The following CDH23 variants were observed in gnomAD, a reference collection of about 807,000 sequenced individuals.
The protein encoded by CDH23 is cadherin-23.
CDH23 carries 189 observed loss-of-function variants against 317.1 expected under a neutral mutation model. The observed-to-expected ratio is 0.60, with a 90% CI of 0.53 to 0.67. The LOEUF (loss-of-function observed/expected upper bound fraction) is 0.67. Ranked by LOEUF, CDH23 falls within the 30% of genes least tolerant of loss-of-function variation. The pLI is 0.00. For synonymous variants in CDH23, 1,839 were observed against 1,876.8 expected (o/e 0.98, Z 0.52); for missense variants, 4,401 against 4,592.4 (o/e 0.96, Z 1.20).
chr10:71,511,074 GC>G (rs757599413), intron 5 of CDH23, 45 bp from the exon 6 acceptor site: 1 of 1,612,082 alleles, frequency 6.2e-7, no homozygotes, highest in South Asian at 1.1e-5. Flanking sequence ...GGTGGAAGAG[GC>G]CAGAGTCAGG....
Position 71,790,305 on chromosome 10 carries a change from C to T in CDH23, c.5941C>T (p.Leu1981Phe), listed in dbSNP as rs770498194. 6 of 1,613,828 alleles carry T rather than the reference C, an allele frequency of 3.7e-6. No homozygotes were observed. The highest frequency in any genetic ancestry group is 5.1e-6 in the Non-Finnish European group (6 of 1,179,860). ...NSPAGTPLTVLNGPILALDAD... is the reference protein window; with the variant it reads ...NSPAGTPLTVFNGPILALDAD... ...TGGCCCAGGCACCCCTCTCACGGTG[C>T]TCAATGGGCCCATCCTGGCCCTGGA... Residue 1981 changes from leucine to phenylalanine, a missense_variant, in exon 46 of 70, where the codon CTC becomes TTC. Physicochemically the swap from Leu to Phe is conservative, Grantham distance 22 (BLOSUM62 0). Coordinates refer to ENST00000224721, the MANE Select transcript of CDH23 (RefSeq NM_022124.6).
At position 71,609,527 on chromosome 10, in the gene CDH23, C is replaced by T. The variant is rs74961694; in HGVS notation, c.833-5977C>T. ...TGAAGACCCAGTCAGTGGCCTTTGCCAGACCTTCCTCTTCCTGAGCTCTCT... is the reference window on the plus strand; with the variant it reads ...TGAAGACCCAGTCAGTGGCCTTTGCTAGACCTTCCTCTTCCTGAGCTCTCT... On this transcript the variant is annotated intron_variant, in intron 9 of 69. Transcript: ENST00000224721. Among the ~76,000 whole-genome samples the T allele has an allele frequency of 2.3e-4, 35 of 152,302 alleles. No homozygotes were observed. The East Asian group carries it at 5.8e-3, about 25-fold the overall frequency.
chr10:71,702,102 C>G lies in CDH23; in HGVS notation c.2478C>G (p.Leu826=). The G allele has an allele frequency of 6.2e-7, 1 of 1,613,998 alleles. No individual in the cohort carries two copies. The highest frequency in any genetic ancestry group is 8.5e-7 in the Non-Finnish European group (1 of 1,179,888). ...SIQPPNKFYS[L]NSTTGKIRTT... ...AGCCACCCAACAAGTTCTACAGCCT[C>G]AACAGCACCACGGGCAAGATCCGCA... The change falls in exon 23 of 70, where the codon CTC becomes CTG. Residue 826 remains leucine (L), a synonymous_variant. Transcript: ENST00000224721.
intron 1 of CDH23, among the ~76,000 whole-genome samples, chr10:71,403,454 T>TTTCC (rs1158827093): frequency 0.03 from 1,059 of 35,174 alleles, 43 homozygotes; most frequent in Non-Finnish European, 0.036. Context: ...CCTTCCTTCC[T>TTTCC]TTCCTTCCTT....
intron 9 of CDH23, among the ~76,000 whole-genome samples, chr10:71,600,265 G>A (rs942376504): frequency 6.6e-6 from 1 of 152,028 alleles, no homozygotes; most frequent in Non-Finnish European, 1.5e-5. Flanking sequence ...GCCTCCCAAA[G>A]TGCTGGGATT....
At chr10:71,510,267 C>T in intron 4 of CDH23, 43 bp downstream of exon 4, 1 of 1,594,702 alleles carries the variant, frequency 6.3e-7, no homozygotes. Flanking sequence ...CTCCTGGGGA[C>T]AGGAGGAGAC....
chr10:71,480,046 G>T (rs964391022), intron 3 of CDH23, among the ~76,000 whole-genome samples: 5 of 145,888 alleles, frequency 3.4e-5, no homozygotes, highest in African/African-American at 1.2e-4. Context: ...TCAACATGTT[G>T]CCTCTAGAAT....
Position 71,577,907 on chromosome 10 carries a change from T to G in CDH23, c.754-7T>G, listed in dbSNP as rs756910862. 2 of 1,590,236 alleles carry G rather than the reference T, an allele frequency of 1.3e-6. No individual in the cohort carries two copies. The highest frequency in any genetic ancestry group is 4.6e-5 in the East Asian group (2 of 43,792). ...CCAAACTCAAGTCCCTCCTCTCTTC[T>G]GCCCAGGGCACGACGGTGCGCATCA... On this transcript the variant is annotated splice_region_variant and splice_polypyrimidine_tract_variant and intron_variant, in intron 8 of 69. Transcript: ENST00000224721.
At chr10:71,524,799 G>A (rs1854932811) in intron 6 of CDH23, among the ~76,000 whole-genome samples, 1 of 152,166 alleles carries the variant, frequency 6.6e-6, no homozygotes, top group Non-Finnish European at 1.5e-5. Flanking sequence ...GGAGGAAGAG[G>A]ACAGGAGCCA....
intron 9 of CDH23, among the ~76,000 whole-genome samples, chr10:71,611,893 G>A (rs553964634): frequency 6.6e-6 from 1 of 152,228 alleles, no homozygotes; most frequent in East Asian, 1.9e-4. Flanking sequence ...AACACCTTGC[G>A]CATAGTAGGT....
At chr10:71,739,278 G>C (rs1478832385) in intron 35 of CDH23, among the ~76,000 whole-genome samples, 1 of 152,184 alleles carries the variant, frequency 6.6e-6, no homozygotes, top group Non-Finnish European at 1.5e-5. Context: ...TTTCTGTCAA[G>C]GTTGCCGTAA....
intron 6 of CDH23, among the ~76,000 whole-genome samples, chr10:71,525,227 C>A (rs1319468414): frequency 6.6e-6 from 1 of 152,250 alleles, no homozygotes; most frequent in Non-Finnish European, 1.5e-5. Flanking sequence ...TTTTAGCCCC[C>A]TGAGGCCCAT....
intron 46 of CDH23, chr10:71,790,834 T>A: frequency 2.0e-6 from 1 of 506,398 alleles, no homozygotes; most frequent in Non-Finnish European, 3.6e-6. Context: ...GGAAAGCACA[T>A]CTGTCAACAG....
At chr10:71,683,317 A>T (rs1200950160) in intron 18 of CDH23, among the ~76,000 whole-genome samples, 3 of 152,148 alleles carry the variant, frequency 2.0e-5, no homozygotes, top group African/African-American at 4.8e-5. Flanking sequence ...CGGCTCCGGG[A>T]GGATTAGATC....
At position 71,810,485 on chromosome 10, in the gene CDH23, A is replaced by G; in HGVS notation, c.8993A>G (p.Lys2998Arg). The change falls in exon 62 of 70, where the codon AAG (lysine) becomes AGG (arginine). Residue 2998 changes from lysine to arginine, a missense_variant. This residue lies in a region of CDH23 where 1,144 missense variants were observed against 1,138.2 expected (regional missense o/e 1.01). Transcript: ENST00000224721. The stretch of plus-strand genomic sequence containing the variant: ...CTTCTCATCTAGTTCCATGTGGACA[A>G]GAAGGGCCGGGTGAACTTTGCGCAG... ...NTDNVQFHVD[K>R]KGRVNFAQTE... 1 of 1,614,010 alleles carries G rather than the reference A, an allele frequency of 6.2e-7. No individual in the cohort carries two copies. The highest frequency in any genetic ancestry group is 8.5e-7 in the Non-Finnish European group (1 of 1,179,888).
rs201490610 is a variant in CDH23, at chr10:71,785,071, C to T, written c.5683C>T (p.Arg1895Cys). ...RLTFNITAGN[R>C]ERAFFINATT... ...CACCTTCAACATCACTGCGGGCAAC[C>T]GCGAGCGGGCCTTCTTCATCAATGC... Residue 1895 changes from arginine (R) to cysteine (C), a missense_variant, in exon 43 of 70, where the codon CGC (arginine) becomes TGC (cysteine). Transcript: ENST00000224721. 41 of 1,613,940 alleles carry T rather than the reference C, an allele frequency of 2.5e-5. No individual in the cohort carries two copies. The highest frequency in any genetic ancestry group is 5.5e-5 in the South Asian group (5 of 91,094).
At chr10:71,698,298 G>A (rs140153599) in intron 22 of CDH23, among the ~76,000 whole-genome samples, 2 of 152,132 alleles carry the variant, frequency 1.3e-5, no homozygotes, top group Admixed American at 6.5e-5. Flanking sequence ...GCATACATAT[G>A]TATATACATG....
chr10:71,417,030 T>G (rs1173726172), intron 1 of CDH23, among the ~76,000 whole-genome samples: 1 of 151,558 alleles, frequency 6.6e-6, no homozygotes, highest in Non-Finnish European at 1.5e-5. Flanking sequence ...TGGTTTTCTT[T>G]TTTTTTCTTT....
At chr10:71,675,510 C>T (rs1468936969) in intron 15 of CDH23, among the ~76,000 whole-genome samples, 1 of 152,236 alleles carries the variant, frequency 6.6e-6, no homozygotes, top group African/African-American at 2.4e-5. Flanking sequence ...GCAGTTACTA[C>T]ATGTCAGGCT....
Sources: gnomAD v4.1 joint callset for allele counts (sites outside exome capture counted in the v4.1 genomes callset) on GRCh38, gnomAD v4.1.1 for gene constraint, gnomAD v4.1.1 regional missense constraint, MANE v1.5 for transcripts, NCBI Gene and HGNC (gene_info 2026-07-23, HGNC 2026-07-21) for gene names.